ATP6V1C2: variants seen among roughly 807,000 people sequenced by gnomAD.
ATP6V1C2 encodes the protein V-type proton ATPase subunit C 2.
ATP6V1C2 carries 45 observed loss-of-function variants against 56.8 expected under a neutral mutation model. The observed-to-expected ratio is 0.79, with a 90% CI of 0.62 to 1.02. The LOEUF is 1.02. Among genes scored for constraint, ATP6V1C2 ranks in the 50% least tolerant of loss-of-function variants. The pLI is 0.00. For synonymous variants in ATP6V1C2, 220 were observed against 201.3 expected (o/e 1.09, Z -0.79); for missense variants, 463 against 519.7 (o/e 0.89, Z 1.06).
chr2:10,738,702 A>G (rs1361580863), intron 3 of ATP6V1C2, among the ~76,000 whole-genome samples: 12 of 152,272 alleles, frequency 7.9e-5, no homozygotes, highest in Admixed American at 1.3e-4. Context: ...TTTTTGCATT[A>G]GCTTCATGTC....
At position 10,771,852 on chromosome 2, in the gene ATP6V1C2, A is replaced by ACCCG. The variant is rs1558420514; in HGVS notation, c.485_488dup (p.Thr164ProfsTer5). ...CCTGCCTTTTAGGGGGAACCTCTTC[A>ACCCG]CCCGGACACTGAGTGATATTGTGAG... is the stretch of plus-strand genomic sequence containing the variant. On this transcript the variant is annotated frameshift_variant, in exon 7 of 14. Transcript: ENST00000272238. LOFTEE classifies it high-confidence loss of function. The ACCCG allele has an allele frequency of 6.2e-7, 1 of 1,613,674 alleles. No homozygotes were observed. The highest frequency in any genetic ancestry group is 8.5e-7 in the Non-Finnish European group (1 of 1,179,820).
chr2:10,765,299 A>G (rs556546823), intron 5 of ATP6V1C2, among the ~76,000 whole-genome samples: 3 of 152,298 alleles, frequency 2.0e-5, no homozygotes, highest in South Asian at 4.1e-4. Context: ...TCTCTGTATC[A>G]TCACTGAAGG....
chr2:10,764,554 C>T, intron 5 of ATP6V1C2, 129 bp downstream of exon 5: 1 of 751,112 alleles, frequency 1.3e-6, no homozygotes, highest in Non-Finnish European at 2.2e-6. Context: ...GGTGTGGCCT[C>T]CTTCCATGCA....
intron 2 of ATP6V1C2, among the ~76,000 whole-genome samples, chr2:10,726,172 A>G: frequency 6.6e-6 from 1 of 152,180 alleles, no homozygotes; most frequent in East Asian, 1.9e-4. Context: ...TTTCTGGTGT[A>G]TCTCTTCCTC....
At chr2:10,778,788 CTG>C (rs1292040602) in intron 12 of ATP6V1C2, 119 bp downstream of exon 12, 6 of 960,518 alleles carry the variant, frequency 6.2e-6, no homozygotes, top group African/African-American at 3.2e-5. Context: ...CTTTCTGAGA[CTG>C]TGGCTGTTGG....
chr2:10,775,859 AC>A, intron 10 of ATP6V1C2, among the ~76,000 whole-genome samples: 1 of 152,096 alleles, frequency 6.6e-6, no homozygotes, highest in Non-Finnish European at 1.5e-5. Context: ...TTCCGTGAGC[AC>A]CTTCCAGTCC....
Position 10,785,076 on chromosome 2 carries a change from T to G in ATP6V1C2, c.*1813T>G. 7.9e-7 allele frequency: 1 copy of G among 1,270,692 alleles called. No homozygotes were observed. Among genetic ancestry groups the G allele is most frequent in the Non-Finnish European group, 1.1e-6 (1 of 890,470 alleles). The allele number at this position is 1,270,692 out of a possible 1,614,324, so 78.7% of individuals were successfully genotyped here. A position where few individuals can be genotyped will look rare whatever the true frequency, so the allele number is the denominator to read the frequency against. On this transcript the variant is annotated 3_prime_UTR_variant, in exon 14 of 14. Transcript: ENST00000272238. ...ACACACACACACATTTACAATGGAC[T>G]GCTGGTGCAGAAGAATAAACAACTT...
intron 4 of ATP6V1C2, among the ~76,000 whole-genome samples, chr2:10,760,136 G>A (rs1264313252): frequency 6.6e-6 from 1 of 151,962 alleles, no homozygotes; most frequent in East Asian, 1.9e-4. Context: ...ACTCTGGGAG[G>A]CCGAGGCGGG....
At chr2:10,723,045 G>T (rs1572488327) in intron 2 of ATP6V1C2, 67 bp downstream of exon 2, 2 of 1,576,134 alleles carry the variant, frequency 1.3e-6, no homozygotes, top group Admixed American at 1.8e-5. Context: ...AGGGAGACAG[G>T]TTGCTACCTC....
intron 3 of ATP6V1C2, among the ~76,000 whole-genome samples, chr2:10,745,041 C>CTTTTTTTT (rs5829274): frequency 1.8e-5 from 2 of 113,308 alleles, no homozygotes; most frequent in African/African-American, 3.4e-5. Context: ...TATTTATTTT[C>CTTTTTTTT]TTTTTTTTTT....
chr2:10,782,503 C>A, intron 13 of ATP6V1C2, 128 bp downstream of exon 13: 1 of 1,069,184 alleles, frequency 9.4e-7, no homozygotes. Context: ...GGTTTGAGAC[C>A]AGCCTAGCCA....
intron 3 of ATP6V1C2, among the ~76,000 whole-genome samples, chr2:10,729,023 G>A (rs1190283994): frequency 1.3e-5 from 2 of 150,428 alleles, no homozygotes; most frequent in South Asian, 2.1e-4. Flanking sequence ...CCAGCTACTC[G>A]GGAGGCTGAG....
At chr2:10,771,660 C>T (rs1309624498) in intron 6 of ATP6V1C2, among the ~76,000 whole-genome samples, 179 bp from the exon 7 acceptor site, 2 of 152,206 alleles carry the variant, frequency 1.3e-5, no homozygotes, top group African/African-American at 2.4e-5. Context: ...CAGAGCCTGG[C>T]CCTGGGGTTG....
chr2:10,775,024 G>C lies in ATP6V1C2; in HGVS notation c.778G>C (p.Glu260Gln). 1 of 1,614,126 alleles carries C rather than the reference G, an allele frequency of 6.2e-7. No individual in the cohort carries two copies. Among genetic ancestry groups the C allele is most frequent in the Non-Finnish European group, 8.5e-7 (1 of 1,180,020 alleles). ...CTATGATGAGAAGGAAATTGAAAGGGAAAGGGAGGAGATGGCCAGATTGCT... is the reference window on the plus strand; with the variant it reads ...CTATGATGAGAAGGAAATTGAAAGGCAAAGGGAGGAGATGGCCAGATTGCT... ...FYYDEKEIER[E>Q]REEMARLLSD... Residue 260 changes from glutamate to glutamine, a missense_variant, in exon 10 of 14, where the codon GAA becomes CAA. Physicochemically the swap from Glu to Gln is conservative, Grantham distance 29. Coordinates refer to ENST00000272238, the MANE Select transcript of ATP6V1C2 (RefSeq NM_001039362.2).
chr2:10,751,881 G>A (rs1663236129), intron 3 of ATP6V1C2, among the ~76,000 whole-genome samples: 1 of 152,164 alleles, frequency 6.6e-6, no homozygotes, highest in Admixed American at 6.5e-5. Flanking sequence ...GCTGAGGCCT[G>A]AGGATCGCTT....
chr2:10,738,013 C>T (rs377478719), intron 3 of ATP6V1C2, among the ~76,000 whole-genome samples: 2 of 152,150 alleles, frequency 1.3e-5, no homozygotes, highest in Non-Finnish European at 2.9e-5. Context: ...TACAACTCCT[C>T]GAAGGCTGCC....
At chr2:10,753,851 CCT>C in intron 3 of ATP6V1C2, 128 bp from the exon 4 acceptor site, 1 of 779,674 alleles carries the variant, frequency 1.3e-6, no homozygotes, top group Non-Finnish European at 2.1e-6. Flanking sequence ...GCATTTTAAC[CCT>C]CTTCATACAT....
At chr2:10,728,009 C>T (rs1661743013) in intron 3 of ATP6V1C2, among the ~76,000 whole-genome samples, 1 of 152,186 alleles carries the variant, frequency 6.6e-6, no homozygotes, top group South Asian at 2.1e-4. Context: ...CTAGGTAAGC[C>T]TTCCAGAGAT....
At chr2:10,754,876 C>T (rs2148461194) in intron 4 of ATP6V1C2, among the ~76,000 whole-genome samples, 1 of 151,966 alleles carries the variant, frequency 6.6e-6, no homozygotes, top group African/African-American at 2.4e-5. Flanking sequence ...CGCGCCCGGC[C>T]TATTATGATT....
Sources: gnomAD v4.1 joint callset for allele counts (sites outside exome capture counted in the v4.1 genomes callset) on GRCh38, gnomAD v4.1.1 for gene constraint, MANE v1.5 for transcripts, NCBI Gene and HGNC (gene_info 2026-07-23, HGNC 2026-07-21) for gene names.